DTNB: variants seen among roughly 807,000 people sequenced by gnomAD.
DTNB encodes dystrobrevin beta.
DTNB carries 63 observed loss-of-function variants against 90.7 expected under a neutral mutation model. The observed-to-expected ratio is 0.69, with a 90% CI of 0.57 to 0.86. The LOEUF is 0.86. DTNB is among the 40% of genes least tolerant of loss of function. DTNB has a pLI of 0.00. For synonymous variants in DTNB, 277 were observed against 286.7 expected (o/e 0.97, Z 0.34); for missense variants, 744 against 807.1 (o/e 0.92, Z 0.95).
chr2:25,639,064 G>C lies in DTNB; in HGVS notation c.98C>G (p.Ser33Ter), dbSNP rs1412253121. 6.9e-6 allele frequency: 11 copies of C among 1,591,566 alleles called. No homozygotes were observed. The Admixed American group carries it at 1.9e-4, about 28-fold the overall frequency. Residue 33 changes from serine to a stop codon, truncating the protein, a stop_gained, in exon 3 of 21, where the codon TCA becomes TGA. Transcript: ENST00000406818. LOFTEE classifies it high-confidence loss of function. ...TAATTTGCAGGCTGTTCTGTAAGTT[G>C]ATAGTCGTATGACATCAAAATTCTG... ...RAQNFDVIRL[S>*]TYRTACKLRF... is the part of the protein sequence containing the mutation.
chr2:25,453,361 T>A (rs1244292304), intron 11 of DTNB, among the ~76,000 whole-genome samples: 1 of 152,230 alleles, frequency 6.6e-6, no homozygotes, highest in Non-Finnish European at 1.5e-5. Flanking sequence ...TATTCTTCTG[T>A]TTGAATTGAC....
chr2:25,390,858 T>C (rs909021267), intron 16 of DTNB, among the ~76,000 whole-genome samples: 5 of 151,266 alleles, frequency 3.3e-5, no homozygotes, highest in Admixed American at 6.6e-5. Flanking sequence ...AGAGAAAACA[T>C]AGGGGGAAGG....
chr2:25,652,209 G>A (rs1228701892), intron 2 of DTNB, among the ~76,000 whole-genome samples: 1 of 152,054 alleles, frequency 6.6e-6, no homozygotes, highest in Non-Finnish European at 1.5e-5. Context: ...CCCTAACACT[G>A]AGTCCTCTCT....
intron 2 of DTNB, among the ~76,000 whole-genome samples, chr2:25,652,211 G>C (rs889937884): frequency 6.6e-6 from 1 of 152,094 alleles, no homozygotes; most frequent in Non-Finnish European, 1.5e-5. Flanking sequence ...CTAACACTGA[G>C]TCCTCTCTGT....
chr2:25,619,383 G>T (rs2071779267), intron 4 of DTNB, among the ~76,000 whole-genome samples: 1 of 152,174 alleles, frequency 6.6e-6, no homozygotes, highest in South Asian at 2.1e-4. Flanking sequence ...AAACTTCACA[G>T]TGAATGGATG....
chr2:25,472,198 T>C (rs2062938029), intron 10 of DTNB, among the ~76,000 whole-genome samples: 2 of 152,342 alleles, frequency 1.3e-5, no homozygotes, highest in South Asian at 2.1e-4. Context: ...GCTACTACGA[T>C]ACTATGATAT....
intron 12 of DTNB, among the ~76,000 whole-genome samples, chr2:25,448,855 C>CAA (rs57986514): frequency 7.5e-5 from 6 of 79,492 alleles, no homozygotes; most frequent in African/African-American, 2.3e-4. Context: ...GATTCCATCT[C>CAA]AAAAAAAAAA....
At chr2:25,420,512 ATCTATCTATCTGTCTG>A (rs879863034) in intron 15 of DTNB, among the ~76,000 whole-genome samples, 2,795 of 103,156 alleles carry the variant, frequency 0.027, 40 homozygotes, top group Non-Finnish European at 0.04. Context: ...CTATCTATCT[ATCTATCTATCTGTCTG>A]TCTATCGACA....
At chr2:25,576,192 G>C (rs1269625138) in intron 8 of DTNB, among the ~76,000 whole-genome samples, 3 of 151,108 alleles carry the variant, frequency 2.0e-5, no homozygotes, top group African/African-American at 7.3e-5. Flanking sequence ...GAATAAGCAT[G>C]GGGGGGCGGA....
At chr2:25,395,632 C>A (rs1214096213) in intron 16 of DTNB, among the ~76,000 whole-genome samples, 2 of 151,332 alleles carry the variant, frequency 1.3e-5, no homozygotes, top group Admixed American at 6.6e-5. Context: ...CTAGCAATAG[C>A]AAATATTCAA....
In DTNB at chr2:25,408,135, G is replaced by A. The variant is rs556173941; in HGVS notation, c.1575+11380C>T. Among the ~76,000 whole-genome samples the A allele has an allele frequency of 8.8e-4, 134 of 151,960 alleles. 1 individual carries two copies. The highest frequency in any genetic ancestry group is 2.0e-3 in the African/African-American group (81 of 41,426). ...AGCCTGACCAACGTAGAGAAACCCC[G>A]TCTCTACTGAAAATACAAAAAAAAT... On this transcript the variant is annotated intron_variant, in intron 16 of 20. Transcript: ENST00000406818.
intron 16 of DTNB, among the ~76,000 whole-genome samples, chr2:25,415,850 G>A (rs1011187532): frequency 3.9e-5 from 6 of 152,106 alleles, no homozygotes; most frequent in Non-Finnish European, 8.8e-5. Context: ...TATGTACATC[G>A]TCACCTTGGA....
intron 12 of DTNB, among the ~76,000 whole-genome samples, chr2:25,437,576 T>C (rs1430772320): frequency 6.6e-6 from 1 of 152,046 alleles, no homozygotes; most frequent in Non-Finnish European, 1.5e-5. Context: ...TTTACAATCT[T>C]AAACACCATA....
intron 10 of DTNB, among the ~76,000 whole-genome samples, chr2:25,459,874 G>A (rs1441746942): frequency 6.6e-6 from 1 of 152,140 alleles, no homozygotes; most frequent in Non-Finnish European, 1.5e-5. Context: ...TTGGGAGGAC[G>A]AGGTGGGAGG....
chr2:25,565,517 T>G (rs2058892298), intron 8 of DTNB, among the ~76,000 whole-genome samples: 1 of 152,168 alleles, frequency 6.6e-6, no homozygotes, highest in African/African-American at 2.4e-5. Context: ...CTCGAAGGGA[T>G]TAAAGGTGTG....
At chr2:25,647,114 A>G (rs369000538) in intron 2 of DTNB, among the ~76,000 whole-genome samples, 1 of 152,258 alleles carries the variant, frequency 6.6e-6, no homozygotes, top group Admixed American at 6.5e-5. Flanking sequence ...TAACTGAAAG[A>G]AAGCCAGCAT....
At chr2:25,603,517 G>A (rs1441138678) in intron 5 of DTNB, among the ~76,000 whole-genome samples, 1 of 152,190 alleles carries the variant, frequency 6.6e-6, no homozygotes, top group South Asian at 2.1e-4. Flanking sequence ...TCTAAGAAAT[G>A]TTTTAAACAG....
At chr2:25,397,421 C>T (rs535274015) in intron 16 of DTNB, among the ~76,000 whole-genome samples, 2 of 151,448 alleles carry the variant, frequency 1.3e-5, no homozygotes, top group African/African-American at 2.4e-5. Flanking sequence ...GACCACATAT[C>T]GTATGATCCC....
chr2:25,667,459 T>C (rs565370024), intron 1 of DTNB, among the ~76,000 whole-genome samples: 3 of 151,902 alleles, frequency 2.0e-5, no homozygotes, highest in Non-Finnish European at 4.4e-5. Flanking sequence ...CATGCCACTG[T>C]ATTCCACCCT....
Sources: allele counts gnomAD v4.1 joint callset (sites outside exome capture counted in the v4.1 genomes callset), GRCh38; gene constraint gnomAD v4.1.1; transcripts MANE v1.5; gene names NCBI Gene and HGNC (gene_info 2026-07-23, HGNC 2026-07-21).